Variants in NDUFAF2 observed in about 807,000 individuals in gnomAD.
NDUFAF2 encodes the protein NADH:ubiquinone oxidoreductase complex assembly factor 2, also known as NADH dehydrogenase [ubiquinone] 1 alpha subcomplex assembly factor 2.
Under a neutral mutation model 22.8 loss-of-function variants are expected in NDUFAF2, and 13 were observed. The observed-to-expected ratio is 0.57, with a 90% CI of 0.37 to 0.91. NDUFAF2 has a LOEUF of 0.91. NDUFAF2 is among the 40% of genes least tolerant of loss of function. The pLI, the probability that NDUFAF2 is intolerant of heterozygous loss-of-function variation, is 0.01. For synonymous variants in NDUFAF2, 53 were observed against 64.2 expected (o/e 0.83, Z 0.84); for missense variants, 162 against 195.2 (o/e 0.83, Z 1.01).
intron 1 of NDUFAF2, among the ~76,000 whole-genome samples, chr5:61,019,488 A>G (rs1418046427): frequency 6.6e-6 from 1 of 152,012 alleles, no homozygotes; most frequent in Non-Finnish European, 1.5e-5. Flanking sequence ...GTACAAGTAG[A>G]ATATTAATAA....
chr5:60,949,327 T>G (rs1012084807), intron 1 of NDUFAF2, among the ~76,000 whole-genome samples: 4 of 152,212 alleles, frequency 2.6e-5, no homozygotes, highest in African/African-American at 4.8e-5. Context: ...GAACCTGGCT[T>G]CTTCTATTCA....
chr5:60,973,354 T>C (rs186710583), intron 1 of NDUFAF2, among the ~76,000 whole-genome samples: 1 of 152,326 alleles, frequency 6.6e-6, no homozygotes. Context: ...TTTGCTTGCT[T>C]GTTTGTTTGT....
At chr5:60,985,566 A>T (rs1751062168) in intron 1 of NDUFAF2, among the ~76,000 whole-genome samples, 2 of 152,166 alleles carry the variant, frequency 1.3e-5, no homozygotes, top group African/African-American at 4.8e-5. Flanking sequence ...ACTGCTTTAA[A>T]TGTGTCCTGG....
chr5:60,945,234 C>G lies in NDUFAF2; in HGVS notation c.-22C>G. 2 of 1,611,008 alleles carry G rather than the reference C, an allele frequency of 1.2e-6. No individual in the cohort carries two copies. The highest frequency in any genetic ancestry group is 1.1e-5 in the South Asian group (1 of 90,660). ...CTACTGCGGGTCCCGCTGCTGGCAG[C>G]GCTGGAAACTGGGTGGACGGCATGG... On this transcript the variant is annotated 5_prime_UTR_variant, in exon 1 of 4. Transcript: ENST00000296597.
At chr5:61,091,400 AT>A (rs1752567367) in intron 2 of NDUFAF2, among the ~76,000 whole-genome samples, 1 of 151,558 alleles carries the variant, frequency 6.6e-6, no homozygotes, top group Admixed American at 6.6e-5. Context: ...AGATGGTGTG[AT>A]TTGCATTTCT....
chr5:61,034,111 A>G (rs1751764538), intron 1 of NDUFAF2, among the ~76,000 whole-genome samples: 1 of 152,192 alleles, frequency 6.6e-6, no homozygotes. Context: ...ACATTAGAAG[A>G]GGAGCCTTCA....
intron 1 of NDUFAF2, among the ~76,000 whole-genome samples, chr5:61,024,544 A>G (rs1304891374): frequency 6.6e-6 from 1 of 152,046 alleles, no homozygotes; most frequent in Non-Finnish European, 1.5e-5. Context: ...TAACCCTGCA[A>G]TATGTAGTAT....
At chr5:61,044,119 GT>G (rs1751917740) in intron 1 of NDUFAF2, among the ~76,000 whole-genome samples, 1 of 151,738 alleles carries the variant, frequency 6.6e-6, no homozygotes, top group Non-Finnish European at 1.5e-5. Context: ...TTTTGAATAT[GT>G]TTCATATACC....
At chr5:61,127,728 T>A (rs541216804) in intron 3 of NDUFAF2, among the ~76,000 whole-genome samples, 1 of 152,138 alleles carries the variant, frequency 6.6e-6, no homozygotes, top group Admixed American at 6.6e-5. Flanking sequence ...CTTTGAAAAC[T>A]GGCACAAGAC....
intron 1 of NDUFAF2, among the ~76,000 whole-genome samples, chr5:61,064,991 T>A (rs1752211643): frequency 6.6e-6 from 1 of 150,910 alleles, no homozygotes; most frequent in South Asian, 2.1e-4. Flanking sequence ...GAAAAAAAAA[T>A]TCAAACAAAA....
At chr5:61,091,963 A>C (rs564042799) in intron 2 of NDUFAF2, among the ~76,000 whole-genome samples, 2 of 151,918 alleles carry the variant, frequency 1.3e-5, no homozygotes, top group African/African-American at 4.8e-5. Flanking sequence ...TTCTTTCCCC[A>C]TTGCTTGTTT....
At chr5:61,117,679 T>TAA (rs200138675) in intron 3 of NDUFAF2, among the ~76,000 whole-genome samples, 2 of 129,076 alleles carry the variant, frequency 1.5e-5, no homozygotes, top group East Asian at 4.3e-4. Flanking sequence ...TGACTTTTTT[T>TAA]TAAAAAAAAA....
At chr5:60,968,785 C>G (rs1484576799) in intron 1 of NDUFAF2, among the ~76,000 whole-genome samples, 3 of 152,004 alleles carry the variant, frequency 2.0e-5, no homozygotes, top group Admixed American at 6.6e-5. Flanking sequence ...GTTGTGCTAT[C>G]AAATACCAAG....
intron 1 of NDUFAF2, among the ~76,000 whole-genome samples, chr5:60,982,388 A>T (rs1750996186): frequency 6.6e-6 from 1 of 151,906 alleles, no homozygotes; most frequent in Non-Finnish European, 1.5e-5. Context: ...TCCCGTTTTT[A>T]TTTTTTAATT....
intron 1 of NDUFAF2, among the ~76,000 whole-genome samples, chr5:61,053,295 G>A (rs941088599): frequency 6.6e-6 from 1 of 152,176 alleles, no homozygotes; most frequent in South Asian, 2.1e-4. Context: ...GTTTGTTACT[G>A]CAGCTTAGCC....
chr5:61,140,790 G>A (rs1741040976), intron 3 of NDUFAF2, among the ~76,000 whole-genome samples: 1 of 152,166 alleles, frequency 6.6e-6, no homozygotes. Context: ...AATTTGCTTT[G>A]CTGCTTTACT....
At chr5:60,948,003 T>C (rs1750486386) in intron 1 of NDUFAF2, among the ~76,000 whole-genome samples, 1 of 152,112 alleles carries the variant, frequency 6.6e-6, no homozygotes, top group Non-Finnish European at 1.5e-5. Context: ...CAAAAAAAAT[T>C]GCCCATGCTT....
At chr5:60,990,375 G>A (rs567670269) in intron 1 of NDUFAF2, among the ~76,000 whole-genome samples, 289 of 152,128 alleles carry the variant, frequency 1.9e-3, no homozygotes, top group Non-Finnish European at 3.6e-3. Flanking sequence ...CATATTATAT[G>A]CCTGTATCAA....
chr5:61,064,550 T>C (rs1251524432), intron 1 of NDUFAF2, among the ~76,000 whole-genome samples: 1 of 152,064 alleles, frequency 6.6e-6, no homozygotes. Flanking sequence ...ACTACAGTGA[T>C]ATGAAACTAT....
Sources: allele counts gnomAD v4.1 joint callset (sites outside exome capture counted in the v4.1 genomes callset), GRCh38; gene constraint gnomAD v4.1.1; transcripts MANE v1.5; gene names NCBI Gene and HGNC (gene_info 2026-07-23, HGNC 2026-07-21).